The following RTTN variants were observed in gnomAD, a reference collection of about 807,000 sequenced individuals.
The protein encoded by RTTN is rotatin.
A neutral mutation model predicts 269.2 loss-of-function variants in RTTN; 182 were observed. That is an observed-to-expected ratio of 0.68 (90% CI 0.60 to 0.76). The LOEUF is 0.76. RTTN is among the 30% of genes least tolerant of loss of function. The probability of loss-of-function intolerance (pLI) is 0.00; values close to 1 mark genes in which losing one functional copy is unlikely to be tolerated. For synonymous variants in RTTN, 1,006 were observed against 963.5 expected (o/e 1.04, Z -0.82); for missense variants, 2,545 against 2,608.6 (o/e 0.98, Z 0.53).
At chr18:70,176,457 G>A (rs1226763822) in intron 11 of RTTN, among the ~76,000 whole-genome samples, 4 of 152,086 alleles carry the variant, frequency 2.6e-5, no homozygotes, top group Non-Finnish European at 5.9e-5. Flanking sequence ...GCAACAGCAC[G>A]ATTAAAAAAT....
In RTTN at chr18:70,044,907, A is replaced by G. The variant is rs186415436; in HGVS notation, c.5541+3064T>C. 2.7e-3 allele frequency among the ~76,000 whole-genome samples: 408 copies of G among 152,294 alleles called. 2 individuals are homozygous for G. Among genetic ancestry groups the G allele is most frequent in the Non-Finnish European group, 5.0e-3 (337 of 68,020 alleles). ...GTATTTCTGGAATTTTCCATTTAAT[A>G]TTTCTGGACTACAGTCAACCATGAG... is the stretch of plus-strand genomic sequence containing the variant. On this transcript the variant is annotated intron_variant, in intron 40 of 48. Transcript: ENST00000640769.
At chr18:70,042,620 C>T (rs1482419161) in intron 40 of RTTN, among the ~76,000 whole-genome samples, 1 of 151,820 alleles carries the variant, frequency 6.6e-6, no homozygotes, top group Non-Finnish European at 1.5e-5. Flanking sequence ...TCGTGATCCG[C>T]CCGCCTCAGC....
intron 34 of RTTN, among the ~76,000 whole-genome samples, chr18:70,073,192 A>C (rs1404427477): frequency 6.6e-6 from 1 of 152,148 alleles, no homozygotes. Context: ...TTCCCAGTTG[A>C]GAATAAATGA....
chr18:70,033,737 AC>A (rs2057087874), intron 40 of RTTN, among the ~76,000 whole-genome samples: 1 of 152,198 alleles, frequency 6.6e-6, no homozygotes, highest in East Asian at 1.9e-4. Flanking sequence ...GCTAAAGGAG[AC>A]TGAGACATGA....
chr18:70,100,105 A>C (rs1390877421), intron 28 of RTTN, among the ~76,000 whole-genome samples: 2 of 152,168 alleles, frequency 1.3e-5, no homozygotes, highest in Non-Finnish European at 1.5e-5. Flanking sequence ...AGTTTTTTCC[A>C]ATTCTGTGAA....
chr18:70,098,225 C>G, intron 28 of RTTN, among the ~76,000 whole-genome samples: 1 of 152,058 alleles, frequency 6.6e-6, no homozygotes, highest in East Asian at 1.9e-4. Flanking sequence ...GAGGGAAATT[C>G]GTAGCACTAA....
chr18:70,060,908 A>G (rs566390174), intron 35 of RTTN, among the ~76,000 whole-genome samples: 1 of 151,644 alleles, frequency 6.6e-6, no homozygotes, highest in Non-Finnish European at 1.5e-5. Flanking sequence ...AGTTCCATCC[A>G]TGTTGCTGCA....
chr18:70,092,080 A>G (rs1415635192), intron 30 of RTTN, 30 bp downstream of exon 30: 1 of 1,442,928 alleles, frequency 6.9e-7, no homozygotes, highest in Admixed American at 1.7e-5. Flanking sequence ...TAATCTAAAC[A>G]CAATACACTT....
At chr18:70,040,242 A>G (rs948300506) in intron 40 of RTTN, among the ~76,000 whole-genome samples, 10 of 152,292 alleles carry the variant, frequency 6.6e-5, no homozygotes, top group South Asian at 6.2e-4. Flanking sequence ...ATATTTCACC[A>G]ATAAAAATAT....
At chr18:70,097,875 A>C (rs929779478) in intron 28 of RTTN, among the ~76,000 whole-genome samples, 10 of 152,202 alleles carry the variant, frequency 6.6e-5, no homozygotes, top group Admixed American at 5.9e-4. Context: ...CGTAATTTTA[A>C]AACAAAAGCA....
chr18:70,127,859 A>C (rs2059905828), intron 24 of RTTN, 118 bp from the exon 25 acceptor site: 10 of 940,460 alleles, frequency 1.1e-5, no homozygotes, highest in East Asian at 2.7e-5. Flanking sequence ...TTTTAACAAA[A>C]GGTTGACTTA....
At chr18:70,153,435 C>A (rs2060592057) in intron 14 of RTTN, among the ~76,000 whole-genome samples, 1 of 152,148 alleles carries the variant, frequency 6.6e-6, no homozygotes, top group African/African-American at 2.4e-5. Flanking sequence ...TCACTACAGT[C>A]TAGCATATGG....
At chr18:70,078,906 G>C (rs1048581175) in intron 32 of RTTN, among the ~76,000 whole-genome samples, 5 of 152,016 alleles carry the variant, frequency 3.3e-5, no homozygotes, top group African/African-American at 1.2e-4. Flanking sequence ...AAAATGGGTT[G>C]GGGTCAAAAG....
At chr18:70,027,283 C>T (rs2056881193) in intron 43 of RTTN, among the ~76,000 whole-genome samples, 1 of 152,074 alleles carries the variant, frequency 6.6e-6, no homozygotes, top group Non-Finnish European at 1.5e-5. Flanking sequence ...CCAATAGTGG[C>T]CAACTATTAA....
chr18:70,047,967 G>A lies in RTTN; in HGVS notation c.5541+4C>T, dbSNP rs1324069865. The A allele has an allele frequency of 3.7e-6, 6 of 1,608,966 alleles. No individual in the cohort carries two copies. The highest frequency in any genetic ancestry group is 1.1e-5 in the South Asian group (1 of 90,888). On this transcript the variant is annotated splice_donor_region_variant and intron_variant, in intron 40 of 48. Coordinates refer to ENST00000640769, the MANE Select transcript of RTTN (RefSeq NM_173630.4). Reference sequence around the variant, plus strand: ...AGTTTTTGAAAAACCAAGAAATGACGTACCTGAAGGATTACATCACTAAGT... The same window carrying A: ...AGTTTTTGAAAAACCAAGAAATGACATACCTGAAGGATTACATCACTAAGT...
chr18:70,173,406 TG>T (rs2061196072), intron 11 of RTTN, among the ~76,000 whole-genome samples: 1 of 144,536 alleles, frequency 6.9e-6, no homozygotes, highest in Admixed American at 7.3e-5. Context: ...GGCAGGAGAA[TG>T]GCTTGAACCC....
At chr18:70,162,505 G>A (rs2060857628) in intron 14 of RTTN, among the ~76,000 whole-genome samples, 1 of 152,254 alleles carries the variant, frequency 6.6e-6, no homozygotes, top group Admixed American at 6.5e-5. Context: ...CATGTCAGAA[G>A]GCACCTCTTC....
intron 18 of RTTN, among the ~76,000 whole-genome samples, chr18:70,144,912 A>G (rs2145749898): frequency 6.6e-6 from 1 of 152,358 alleles, no homozygotes; most frequent in African/African-American, 2.4e-5. Context: ...AAACACAGGA[A>G]TGAATCCATG....
chr18:70,114,535 T>C lies in RTTN; in HGVS notation c.3593A>G (p.Asp1198Gly), dbSNP rs199541099. The C allele has an allele frequency of 9.0e-5, 146 of 1,613,620 alleles. No homozygotes were observed. The highest frequency in any genetic ancestry group is 1.1e-4 in the Non-Finnish European group (135 of 1,179,688). Residue 1198 changes from aspartate to glycine, a missense_variant, in exon 27 of 49, where the codon GAT (aspartate) becomes GGT (glycine). Asp to Gly is a moderately conservative substitution (Grantham distance 94). Transcript: ENST00000640769. ...TTGTTGCCTGACAGCAGTCCGGATA[T>C]CATCTGTTTCTTCTCGTGCCTGTGA... The part of the protein sequence containing the change: ...TESQAREETD[D>G]IRTAVRQQLQ...
Sources: gnomAD v4.1 joint callset for allele counts (sites outside exome capture counted in the v4.1 genomes callset) on GRCh38, gnomAD v4.1.1 for gene constraint, MANE v1.5 for transcripts, NCBI Gene and HGNC (gene_info 2026-07-23, HGNC 2026-07-21) for gene names.